The following PLEKHG1 variants were observed in gnomAD, a reference collection of about 807,000 sequenced individuals.
PLEKHG1 encodes the protein pleckstrin homology and RhoGEF domain containing G1.
In PLEKHG1, 44 loss-of-function variants were observed where a neutral mutation model predicts 100.8. The observed-to-expected ratio is 0.44, with a 90% confidence interval of 0.34 to 0.56. The LOEUF is 0.56. PLEKHG1 is among the 20% of genes least tolerant of loss of function. The pLI is 0.01. For synonymous variants in PLEKHG1, 640 were observed against 662.5 expected, an observed-to-expected ratio of 0.97 and a Z score of 0.52; for missense variants, 1,545 against 1,720.9, an observed-to-expected ratio of 0.90 and a Z score of 1.81.
chr6:150,667,621 C>T (rs1335371252), intron 3 of PLEKHG1, among the ~76,000 whole-genome samples: 1 of 152,194 alleles, frequency 6.6e-6, no homozygotes, highest in Non-Finnish European at 1.5e-5. Flanking sequence ...TTTGGCTAAA[C>T]AATGTTTTAT....
At chr6:150,823,276 T>C (rs754172702) in intron 13 of PLEKHG1, among the ~76,000 whole-genome samples, 45 of 152,314 alleles carry the variant, frequency 3.0e-4, no homozygotes, top group Non-Finnish European at 5.9e-4. Flanking sequence ...ACCAATAAAA[T>C]GTCAAAAAAT....
chr6:150,655,727 A>G (rs560778148), intron 3 of PLEKHG1, among the ~76,000 whole-genome samples: 122 of 151,486 alleles, frequency 8.1e-4, no homozygotes, highest in African/African-American at 2.8e-3. Flanking sequence ...AAAAAAAAAA[A>G]AAAGAAAATG....
intron 1 of PLEKHG1, among the ~76,000 whole-genome samples, chr6:150,628,571 C>CAT (rs1777606176): frequency 6.6e-6 from 1 of 150,752 alleles, no homozygotes; most frequent in Non-Finnish European, 1.5e-5. Flanking sequence ...CACACACACA[C>CAT]ACACACCCCG....
At chr6:150,638,729 C>T (rs533240069) in intron 2 of PLEKHG1, among the ~76,000 whole-genome samples, 7 of 152,276 alleles carry the variant, frequency 4.6e-5, no homozygotes, top group Non-Finnish European at 7.4e-5. Context: ...TAAACTGAAA[C>T]TTAATTTCTC....
At chr6:150,678,045 C>T (rs1291801538) in intron 3 of PLEKHG1, among the ~76,000 whole-genome samples, 1 of 120,942 alleles carries the variant, frequency 8.3e-6, no homozygotes, top group African/African-American at 3.1e-5. Flanking sequence ...TTATGGGATA[C>T]AATGTGATGT....
Position 150,831,441 on chromosome 6 carries a change from G to C in PLEKHG1, c.2330G>C (p.Cys777Ser). The change falls in exon 15 of 16, where the codon TGC (cysteine) becomes TCC (serine). Residue 777 changes from cysteine (C) to serine (S), a missense_variant. Cys to Ser is a moderately radical substitution (Grantham distance 112). Coordinates refer to ENST00000358517, the Ensembl canonical transcript of PLEKHG1. The surrounding 1 kb of genome is among the most constrained non-coding windows in gnomAD (Gnocchi z 4.1). ...TTGGGTCTGGAGGCCGACTTCGTGT[G>C]CTGTGACAGCCTGAGGCCATTTGTT... The C allele has an allele frequency of 6.2e-7, 1 of 1,614,150 alleles. No homozygotes were observed. Among genetic ancestry groups the C allele is most frequent in the Non-Finnish European group, 8.5e-7 (1 of 1,180,040 alleles).
At chr6:150,755,662 G>A (rs1421610802) in intron 2 of PLEKHG1, among the ~76,000 whole-genome samples, 2 of 152,026 alleles carry the variant, frequency 1.3e-5, no homozygotes, top group African/African-American at 4.8e-5. Flanking sequence ...CTGAAGCTAC[G>A]GAGCCTCAGC....
At chr6:150,711,478 G>T (rs7748886) in intron 3 of PLEKHG1, among the ~76,000 whole-genome samples, 16,334 of 152,210 alleles carry the variant, frequency 0.11, 964 homozygotes, top group South Asian at 0.18. Flanking sequence ...GGTCTTTAAA[G>T]AACTCCAGGG....
rs80055095 is a variant in PLEKHG1, at chr6:150,663,431, T to C, written c.-99+12645T>C. 2.6e-5 allele frequency: 4 copies of C among 152,266 alleles called. No individual in the cohort carries two copies. In the East Asian group the frequency reaches 7.7e-4, roughly 29 times the overall value. 9.4% of individuals were successfully genotyped at this position (152,266 alleles called of 1,614,324 possible). The stretch of plus-strand genomic sequence containing the variant: ...AGCAAATGGTGCATCTTTTATATCT[T>C]AGATTTATAGTGCAATGAAGACATA... On this transcript the variant is annotated intron_variant, in intron 3 of 3. Transcript: ENST00000367326.
At chr6:150,718,515 A>G (rs1432678457), upstream of PLEKHG1, among the ~76,000 whole-genome samples, 1 of 146,002 alleles carries the variant, frequency 6.8e-6, no homozygotes, top group Non-Finnish European at 1.5e-5. Context: ...TGTCACCCAG[A>G]CTGGAGTGCA....
intron 1 of PLEKHG1, among the ~76,000 whole-genome samples, chr6:150,636,620 A>G (rs1405685124): frequency 1.3e-5 from 2 of 152,132 alleles, no homozygotes; most frequent in Middle Eastern, 3.4e-3. Context: ...CCTTGCTTTC[A>G]TATCAGAGTT....
intron 6 of PLEKHG1, 86 bp downstream of exon 7, chr6:150,800,955 G>T: frequency 9.1e-7 from 1 of 1,095,268 alleles, no homozygotes. Context: ...ACCAGAAAAT[G>T]CTATGGACAT....
chr6:150,603,481 G>T (rs6904488), intron 1 of PLEKHG1, among the ~76,000 whole-genome samples: 111,625 of 151,972 alleles, frequency 0.73, 41,541 homozygotes, highest in Non-Finnish European at 0.8. Flanking sequence ...GAAGACAGAA[G>T]TATATGGCTA....
intron 3 of PLEKHG1, among the ~76,000 whole-genome samples, chr6:150,697,479 G>A (rs547537269): frequency 3.2e-4 from 49 of 152,318 alleles, no homozygotes; most frequent in African/African-American, 1.2e-3. Context: ...AGGCAACTGG[G>A]AAGTAAGTCG....
chr6:150,803,338 G>A (rs73783114), intron 6 of PLEKHG1, among the ~76,000 whole-genome samples: 18,805 of 152,152 alleles, frequency 0.12, 2,243 homozygotes, highest in African/African-American at 0.3. Context: ...TTTTCTTACT[G>A]TTTTAGGCAC....
At position 150,605,109 on chromosome 6, in the gene PLEKHG1, A is replaced by T. The variant is rs536998063; in HGVS notation, c.-204+5092A>T. ...CCGTCACCTCCATCTCTATGTTTGC[A>T]CAGGAGTTTATAAATGAAGCATTTA... On this transcript the variant is annotated intron_variant, in intron 1 of 3. Transcript: ENST00000367326. Among the ~76,000 whole-genome samples, 15 of 152,336 alleles carry T rather than the reference A, an allele frequency of 9.8e-5. No homozygotes were observed. The South Asian group carries it at 3.1e-3, about 32-fold the overall frequency.
chr6:150,625,214 C>T (rs946965834), intron 1 of PLEKHG1, among the ~76,000 whole-genome samples: 9 of 152,092 alleles, frequency 5.9e-5, no homozygotes, highest in Non-Finnish European at 8.8e-5. Context: ...GCTAGGTCTA[C>T]CATAACAAAG....
At chr6:150,701,546 C>T (rs1461975280) in intron 3 of PLEKHG1, among the ~76,000 whole-genome samples, 2 of 140,870 alleles carry the variant, frequency 1.4e-5, no homozygotes, top group Non-Finnish European at 3.1e-5. Flanking sequence ...TGTTGGTGTG[C>T]TGCACCCATT....
At chr6:150,698,304 A>C (rs1780627543) in intron 3 of PLEKHG1, among the ~76,000 whole-genome samples, 1 of 152,198 alleles carries the variant, frequency 6.6e-6, no homozygotes, top group African/African-American at 2.4e-5. Context: ...TAGATGCTCA[A>C]AAAATTATGG....
Sources: gnomAD v4.1 joint callset for allele counts (sites outside exome capture counted in the v4.1 genomes callset) on GRCh38, gnomAD v4.1.1 for gene constraint, Gnocchi (gnomAD v3.1) non-coding constraint, MANE v1.5 for transcripts, NCBI Gene and HGNC (gene_info 2026-07-23, HGNC 2026-07-21) for gene names.